The following KAT6B variants were observed in gnomAD, a reference collection of about 807,000 sequenced individuals.
KAT6B encodes lysine acetyltransferase 6B, also known as histone acetyltransferase KAT6B.
Under a neutral mutation model 187.5 loss-of-function variants are expected in KAT6B, and 10 were observed. The observed-to-expected ratio is 0.05, with a 90% CI of 0.03 to 0.09. The LOEUF (loss-of-function observed/expected upper bound fraction) is 0.09. KAT6B is among the 10% of genes least tolerant of loss of function. KAT6B has a pLI of 1.00. For synonymous variants in KAT6B, 861 were observed against 926.8 expected (o/e 0.93, Z 1.29); for missense variants, 1,952 against 2,558.9 (o/e 0.76, Z 5.12).
intron 13 of KAT6B, among the ~76,000 whole-genome samples, chr10:74,995,141 G>A (rs988542973): frequency 6.6e-6 from 1 of 152,124 alleles, no homozygotes; most frequent in Non-Finnish European, 1.5e-5. Context: ...TACACAGTAA[G>A]TAGTTTCAGA....
At chr10:74,959,673 C>T (rs1840949974) in intron 3 of KAT6B, among the ~76,000 whole-genome samples, 1 of 152,166 alleles carries the variant, frequency 6.6e-6, no homozygotes, top group Admixed American at 6.5e-5. Context: ...ATCTGTAATC[C>T]CAGATACTCG....
intron 3 of KAT6B, among the ~76,000 whole-genome samples, chr10:74,883,486 C>T (rs753558379): frequency 1.1e-4 from 16 of 152,158 alleles, no homozygotes; most frequent in Admixed American, 2.0e-4. Context: ...CTGTTCCCCT[C>T]TGGCAGTATT....
intron 3 of KAT6B, among the ~76,000 whole-genome samples, chr10:74,910,286 G>A (rs1035718025): frequency 5.3e-5 from 8 of 152,126 alleles, no homozygotes; most frequent in Non-Finnish European, 7.4e-5. Flanking sequence ...CAACAAGAGC[G>A]AAACTCCATC....
At chr10:74,978,476 T>A (rs1228106327) in intron 9 of KAT6B, among the ~76,000 whole-genome samples, 1 of 152,230 alleles carries the variant, frequency 6.6e-6, no homozygotes, top group Non-Finnish European at 1.5e-5. Context: ...TCCTTAAATA[T>A]TATCTTTTTT....
At chr10:75,008,433 G>C (rs1285586113) in intron 13 of KAT6B, among the ~76,000 whole-genome samples, 1 of 152,184 alleles carries the variant, frequency 6.6e-6, no homozygotes, top group Non-Finnish European at 1.5e-5. Context: ...AAAAGGCTAC[G>C]ATGACTTAAA....
intron 2 of KAT6B, among the ~76,000 whole-genome samples, chr10:74,839,577 A>T (rs1841576868): frequency 6.6e-6 from 1 of 152,122 alleles, no homozygotes; most frequent in African/African-American, 2.4e-5. Context: ...GTAACAAAAC[A>T]CCTAAAAGCA....
chr10:74,830,730 T>TCA (rs1491326242), intron 1 of KAT6B, among the ~76,000 whole-genome samples: 3 of 54,184 alleles, frequency 5.5e-5, no homozygotes, highest in Admixed American at 4.4e-4. Flanking sequence ...GCACAGCTCT[T>TCA]CATATATATA....
chr10:75,001,200 G>T (rs1032983967), intron 13 of KAT6B, among the ~76,000 whole-genome samples: 1 of 152,060 alleles, frequency 6.6e-6, no homozygotes, highest in African/African-American at 2.4e-5. Context: ...TTTCTGCACC[G>T]TCGTTCTTTC....
At chr10:74,935,372 A>T (rs528234598) in intron 3 of KAT6B, among the ~76,000 whole-genome samples, 36 of 148,634 alleles carry the variant, frequency 2.4e-4, no homozygotes, top group African/African-American at 8.6e-4. Context: ...AAATGAAAAC[A>T]ATATATCTTT....
chr10:74,847,920 C>CTTTTTTT (rs528371220), intron 3 of KAT6B, among the ~76,000 whole-genome samples: 4 of 131,810 alleles, frequency 3.0e-5, no homozygotes, highest in East Asian at 2.2e-4. Flanking sequence ...TTTTCTTTTT[C>CTTTTTTT]TTTTTTTTTT....
intron 3 of KAT6B, among the ~76,000 whole-genome samples, chr10:74,896,948 A>C (rs1035936009): frequency 6.6e-6 from 1 of 152,192 alleles, no homozygotes; most frequent in Non-Finnish European, 1.5e-5. Context: ...TCCTTCTGTT[A>C]AATCCCTTAT....
rs1842123485 is a variant in KAT6B, at chr10:74,975,866, C to A, written c.1529C>A (p.Ser510Tyr). 2.5e-6 allele frequency: 4 copies of A among 1,614,032 alleles called. No individual in the cohort carries two copies. Among genetic ancestry groups the A allele is most frequent in the Non-Finnish European group, 3.4e-6 (4 of 1,180,040 alleles). ...GGTCAGAGCCCCAGTTCACAAAAGT[C>A]CAGCACGGCCACTTCTTCTCCCTCT... ...ISGQSPSSQK[S>Y]STATSSPSPQ... The change falls in exon 8 of 18, where the codon TCC becomes TAC. Residue 510 changes from serine to tyrosine, a missense_variant. Transcript: ENST00000287239.
At chr10:74,945,690 T>C (rs983837668) in intron 3 of KAT6B, among the ~76,000 whole-genome samples, 1 of 152,082 alleles carries the variant, frequency 6.6e-6, no homozygotes, top group East Asian at 1.9e-4. Flanking sequence ...GCTCAAGTGA[T>C]CCGCCCGCCT....
intron 3 of KAT6B, among the ~76,000 whole-genome samples, chr10:74,942,098 TGA>T (rs1849709264): frequency 6.6e-6 from 1 of 152,050 alleles, no homozygotes; most frequent in Non-Finnish European, 1.5e-5. Flanking sequence ...TGCAGTGAGC[TGA>T]GACCATGCCA....
intron 3 of KAT6B, among the ~76,000 whole-genome samples, chr10:74,958,539 A>G (rs551409644): frequency 2.6e-5 from 4 of 152,308 alleles, no homozygotes; most frequent in African/African-American, 9.6e-5. Context: ...CAGTTTTCGT[A>G]GTTTTGGCTG....
chr10:74,846,266 G>T (rs1842093491), intron 3 of KAT6B, among the ~76,000 whole-genome samples: 1 of 152,138 alleles, frequency 6.6e-6, no homozygotes, highest in East Asian at 1.9e-4. Flanking sequence ...CTAGTTCTCT[G>T]TGGCAGAATG....
chr10:74,930,926 CCA>C (rs1398356419), intron 3 of KAT6B, among the ~76,000 whole-genome samples: 3 of 152,150 alleles, frequency 2.0e-5, no homozygotes, highest in African/African-American at 7.2e-5. Context: ...AGCTACGTGT[CCA>C]TAGAGACTGC....
chr10:74,894,096 C>T (rs1236691796), intron 3 of KAT6B, among the ~76,000 whole-genome samples: 1 of 152,046 alleles, frequency 6.6e-6, no homozygotes, highest in African/African-American at 2.4e-5. Context: ...TCTCTTTTTT[C>T]CCTTGAGACG....
intron 3 of KAT6B, among the ~76,000 whole-genome samples, chr10:74,951,445 T>G (rs1840313819): frequency 6.6e-6 from 1 of 152,132 alleles, no homozygotes; most frequent in African/African-American, 2.4e-5. Context: ...CTTTTTTTTT[T>G]TCTTTTAATA....
Sources: allele counts gnomAD v4.1 joint callset (sites outside exome capture counted in the v4.1 genomes callset), GRCh38; gene constraint gnomAD v4.1.1; transcripts MANE v1.5; gene names NCBI Gene and HGNC (gene_info 2026-07-23, HGNC 2026-07-21).